The following NAA60 variants were observed in gnomAD, a reference collection of about 807,000 sequenced individuals.
The protein encoded by NAA60 is N-alpha-acetyltransferase 60, NatF catalytic subunit.
In NAA60, 8 loss-of-function variants were observed where a neutral mutation model predicts 26.1. That is an observed-to-expected ratio of 0.31 (90% CI 0.18 to 0.55). NAA60 has a LOEUF of 0.55. Among genes scored for constraint, NAA60 ranks in the 20% least tolerant of loss-of-function variants. NAA60 has a pLI of 0.93. For missense variants in NAA60, 290 were observed against 311.3 expected, an observed-to-expected ratio of 0.93 and a Z score of 0.51; for synonymous variants, 131 against 122.5, an observed-to-expected ratio of 1.07 and a Z score of -0.46.
rs1440676791 is a variant in NAA60, at chr16:3,476,206, C to G, written c.-6-16C>G. ...CAGGCTGTGAGGTGACGCGTCCCCCCCACCCTTCCCCACAGGTGTGAATGA... is the reference window on the plus strand; with the variant it reads ...CAGGCTGTGAGGTGACGCGTCCCCCGCACCCTTCCCCACAGGTGTGAATGA... On this transcript the variant is annotated splice_polypyrimidine_tract_variant and intron_variant, in intron 2 of 7. Transcript: ENST00000407558. The G allele has an allele frequency of 2.5e-6, 4 of 1,569,342 alleles. No homozygotes were observed. The highest frequency in any genetic ancestry group is 2.7e-5 in the African/African-American group (2 of 74,060).
At chr16:3,461,032 C>T (rs2035356509) in intron 2 of NAA60, among the ~76,000 whole-genome samples, 1 of 124,610 alleles carries the variant, frequency 8.0e-6, no homozygotes, top group East Asian at 2.6e-4. Flanking sequence ...CCTCCTCAGT[C>T]GTTGGGGTTA....
chr16:3,445,642 G>C (rs961904485), intron 1 of NAA60, among the ~76,000 whole-genome samples: 46 of 152,024 alleles, frequency 3.0e-4, no homozygotes, highest in Non-Finnish European at 6.6e-4. Flanking sequence ...CTGGATTTGT[G>C]GCTCTTTCAC....
intron 4 of NAA60, 43 bp from the exon 5 acceptor site, chr16:3,482,459 A>C: frequency 6.7e-7 from 1 of 1,495,178 alleles, no homozygotes; most frequent in South Asian, 1.2e-5. Context: ...TGAGCCGTGC[A>C]CCAGACGTGT....
rs939445440 is a variant in NAA60 at position 3,474,322 on chromosome 16, G to C, written c.-6-1900G>C. 5.3e-5 allele frequency among the ~76,000 whole-genome samples: 8 copies of C among 152,286 alleles called. No individual in the cohort carries two copies. The South Asian group carries it at 6.2e-4, about 12-fold the overall frequency. On this transcript the variant is annotated intron_variant, in intron 2 of 7. Coordinates refer to ENST00000407558, the MANE Select transcript of NAA60 (RefSeq NM_001083601.3). ...TATCAGCTAGTAGTGGGTGCTCAAG[G>C]CTGGTGTAGAGGGGCACCGCCTCCC...
intron 2 of NAA60, among the ~76,000 whole-genome samples, chr16:3,458,601 C>T (rs1227373930): frequency 1.3e-5 from 2 of 152,184 alleles, no homozygotes; most frequent in Admixed American, 6.5e-5. Flanking sequence ...CTTCGCCCCG[C>T]TCTCGCCTGG....
At chr16:3,469,976 C>T (rs890117788) in intron 2 of NAA60, among the ~76,000 whole-genome samples, 1 of 152,230 alleles carries the variant, frequency 6.6e-6, no homozygotes, top group Admixed American at 6.5e-5. Context: ...CCACCAGATG[C>T]TCCTCTGTGC....
rs980507848 is a variant in NAA60, at chr16:3,466,100, G to A, written c.-6-10122G>A. On this transcript the variant is annotated intron_variant, in intron 2 of 7. Coordinates refer to ENST00000407558, the MANE Select transcript of NAA60 (RefSeq NM_001083601.3). ...CGTTTTGACAACTGTGAAACAAGAC[G>A]TAGCACATCGCCATCGCGCTTCTCA... Among the ~76,000 whole-genome samples the A allele has an allele frequency of 2.0e-4, 30 of 152,332 alleles. 2 individuals carry two copies. Among genetic ancestry groups the A allele is most frequent in the Admixed American group, 1.4e-3 (22 of 15,302 alleles).
At chr16:3,443,655 C>T (rs1260339337), upstream of NAA60, 4 of 1,288,146 alleles carry the variant, frequency 3.1e-6, no homozygotes, top group African/African-American at 3.0e-5. Context: ...AGGTAGTTTT[C>T]CTCCTTTTCT....
chr16:3,461,261 G>T (rs566962127), intron 2 of NAA60, among the ~76,000 whole-genome samples: 139 of 152,318 alleles, frequency 9.1e-4, no homozygotes, highest in African/African-American at 3.2e-3. Flanking sequence ...TAGGAAGGGG[G>T]TCTGAACCGG....
chr16:3,485,347 G>A (rs765393049), intron 7 of NAA60, 120 bp from the exon 8 acceptor site: 6 of 484,340 alleles, frequency 1.2e-5, no homozygotes, highest in South Asian at 6.2e-5. Flanking sequence ...CCATGGCCTG[G>A]AGAAGGGCTC....
chr16:3,448,497 A>T lies in NAA60; in HGVS notation c.-50A>T. 4.6e-6 allele frequency: 7 copies of T among 1,535,614 alleles called. No homozygotes were observed. Among genetic ancestry groups the T allele is most frequent in the Non-Finnish European group, 6.1e-6 (7 of 1,146,886 alleles). The stretch of plus-strand genomic sequence containing the variant: ...ATACAGAAAGGCTGTACCTGGAGGA[A>T]GGAAGTGCGGAGCCAGCCTGAGTTG... On this transcript the variant is annotated 5_prime_UTR_variant, in exon 2 of 8. The change creates a new upstream start codon in the 5' untranslated region. Transcript: ENST00000407558.
At chr16:3,478,088 T>TAATAATAATAATAATAATAAA (rs543097524) in intron 3 of NAA60, among the ~76,000 whole-genome samples, 3 of 150,194 alleles carry the variant, frequency 2.0e-5, no homozygotes, top group South Asian at 2.1e-4. Context: ...ATAATAATAA[T>TAATAATAATAATAATAATAAA]AAATAGGCCT....
chr16:3,463,832 C>T (rs2035572140), intron 2 of NAA60, among the ~76,000 whole-genome samples: 1 of 152,084 alleles, frequency 6.6e-6, no homozygotes, highest in Non-Finnish European at 1.5e-5. Flanking sequence ...ATAGTGAGAT[C>T]CTGTCTCTTA....
At chr16:3,483,253 A>G in intron 5 of NAA60, 110 bp from the exon 6 acceptor site, 1 of 792,184 alleles carries the variant, frequency 1.3e-6, no homozygotes, top group Non-Finnish European at 2.1e-6. Flanking sequence ...GGTCTCTGAT[A>G]CGGTGGGCCG....
At chr16:3,482,628 C>T (rs1314711522) in intron 5 of NAA60, 30 bp downstream of exon 5, 3 of 1,498,356 alleles carry the variant, frequency 2.0e-6, no homozygotes, top group African/African-American at 1.4e-5. Flanking sequence ...CGGCTTGGCG[C>T]CCACCCCACC....
At chr16:3,447,584 G>A in intron 1 of NAA60, 2 of 985,370 alleles carry the variant, frequency 2.0e-6, no homozygotes, top group Non-Finnish European at 2.4e-6. Flanking sequence ...ATCGGAAACT[G>A]ACACAGAGCC....
chr16:3,443,912 G>C (rs1450084269), intron 1 of NAA60, 75 bp downstream of exon 1: 3 of 1,472,568 alleles, frequency 2.0e-6, no homozygotes, highest in Non-Finnish European at 2.7e-6. Flanking sequence ...GAGGGCGGGG[G>C]TTCGGGCCTA....
intron 4 of NAA60, among the ~76,000 whole-genome samples, chr16:3,482,266 A>C (rs2036884397): frequency 6.6e-6 from 1 of 152,128 alleles, no homozygotes; most frequent in South Asian, 2.1e-4. Flanking sequence ...CACCCCTAGG[A>C]GAAGCTCCTT....
At chr16:3,449,171 G>A (rs555412999) in intron 2 of NAA60, among the ~76,000 whole-genome samples, 7 of 150,482 alleles carry the variant, frequency 4.7e-5, no homozygotes, top group East Asian at 2.0e-4. Context: ...TCAGGAGTTC[G>A]AGACCAGCCT....
Sources: gnomAD v4.1 joint callset for allele counts (sites outside exome capture counted in the v4.1 genomes callset) on GRCh38, gnomAD v4.1.1 for gene constraint, MANE v1.5 for transcripts, NCBI Gene and HGNC (gene_info 2026-07-23, HGNC 2026-07-21) for gene names.